GRIK4: variants seen among roughly 807,000 people sequenced by gnomAD.
The protein encoded by GRIK4 is glutamate receptor ionotropic, kainate 4.
A neutral mutation model predicts 104.9 loss-of-function variants in GRIK4; 40 were observed. The ratio of observed to expected loss-of-function variants is 0.38; its 90% CI spans 0.30 to 0.50. The LOEUF (loss-of-function observed/expected upper bound fraction) is 0.50, where lower values mean the gene tolerates loss of function less well. Among genes scored for constraint, GRIK4 ranks in the 20% least tolerant of loss-of-function variants. GRIK4 has a pLI of 0.93. For missense variants in GRIK4, 1,047 were observed against 1,308.1 expected, an observed-to-expected ratio of 0.80 and a Z score of 3.08; for synonymous variants, 485 against 524.9, an observed-to-expected ratio of 0.92 and a Z score of 1.04.
At chr11:120,519,225 A>G (rs79058679) in intron 1 of GRIK4, among the ~76,000 whole-genome samples, 1,679 of 152,286 alleles carry the variant, frequency 0.011, 47 homozygotes, top group East Asian at 0.063. Context: ...AATGCAAAGT[A>G]CTTTCCATAT....
At chr11:120,760,367 T>A (rs530106358) in intron 3 of GRIK4, among the ~76,000 whole-genome samples, 84 of 148,034 alleles carry the variant, frequency 5.7e-4, no homozygotes, top group South Asian at 3.2e-3. Context: ...ATGGAATATT[T>A]TATATATATA....
intron 3 of GRIK4, among the ~76,000 whole-genome samples, chr11:120,761,834 CT>C (rs1951754663): frequency 6.6e-6 from 1 of 152,132 alleles, no homozygotes; most frequent in Non-Finnish European, 1.5e-5. Flanking sequence ...CAGTACCATG[CT>C]ATTTTGGTTA....
intron 8 of GRIK4, among the ~76,000 whole-genome samples, chr11:120,845,375 T>C (rs1169728747): frequency 6.6e-6 from 1 of 152,232 alleles, no homozygotes; most frequent in Non-Finnish European, 1.5e-5. Flanking sequence ...GTGAAGACGA[T>C]GGGAAGTTTC....
intron 3 of GRIK4, among the ~76,000 whole-genome samples, chr11:120,692,653 A>G (rs1950385688): frequency 6.6e-6 from 1 of 152,188 alleles, no homozygotes; most frequent in Non-Finnish European, 1.5e-5. Flanking sequence ...AGTCGGGAAG[A>G]CGAGACTGGA....
chr11:120,588,122 G>A (rs949596543), intron 1 of GRIK4, among the ~76,000 whole-genome samples: 13 of 152,164 alleles, frequency 8.5e-5, no homozygotes, highest in African/African-American at 2.2e-4. Flanking sequence ...AGAGGGGCAC[G>A]AGACAGAGAT....
chr11:120,713,705 C>A (rs1211298619), intron 3 of GRIK4, among the ~76,000 whole-genome samples: 2 of 152,102 alleles, frequency 1.3e-5, no homozygotes, highest in Non-Finnish European at 2.9e-5. Flanking sequence ...AGAGAGGTGG[C>A]TACGAGGGAC....
At chr11:120,576,078 TG>T (rs1948479977) in intron 1 of GRIK4, among the ~76,000 whole-genome samples, 1 of 152,194 alleles carries the variant, frequency 6.6e-6, no homozygotes. Context: ...CATAATTTAC[TG>T]GGCTCCTGGG....
intron 1 of GRIK4, among the ~76,000 whole-genome samples, chr11:120,575,217 T>C (rs1565556030): frequency 6.6e-6 from 1 of 152,138 alleles, no homozygotes; most frequent in African/African-American, 2.4e-5. Flanking sequence ...ACGAGCATTT[T>C]GGCGAATTCT....
In GRIK4 at chr11:120,531,777, T is replaced by C. The variant is rs142983564; in HGVS notation, c.-159+19890T>C. On this transcript the variant is annotated intron_variant, in intron 1 of 20. Coordinates refer to ENST00000527524, the MANE Select transcript of GRIK4 (RefSeq NM_014619.5). The stretch of plus-strand genomic sequence containing the variant: ...TTTTAGTAGAGACGGGTTTTCACCA[T>C]GTTGGCCAGGCTGGTCTCGGACTCC... 2.8e-4 allele frequency among the ~76,000 whole-genome samples: 42 copies of C among 152,198 alleles called. 1 individual carries two copies. Among genetic ancestry groups the C allele is most frequent in the Non-Finnish European group, 4.4e-4 (30 of 68,004 alleles).
At chr11:120,766,225 A>T (rs533740155) in intron 3 of GRIK4, among the ~76,000 whole-genome samples, 1 of 152,106 alleles carries the variant, frequency 6.6e-6, no homozygotes, top group Non-Finnish European at 1.5e-5. Flanking sequence ...ACCCAGTCCA[A>T]ATTTCCCAGC....
At chr11:120,544,971 A>G (rs1223963463) in intron 1 of GRIK4, among the ~76,000 whole-genome samples, 2 of 152,186 alleles carry the variant, frequency 1.3e-5, no homozygotes, top group South Asian at 2.1e-4. Flanking sequence ...CACTGTCACA[A>G]CAACCGTGTG....
chr11:120,797,114 C>T (rs2135503010), intron 3 of GRIK4, among the ~76,000 whole-genome samples: 1 of 152,278 alleles, frequency 6.6e-6, no homozygotes, highest in South Asian at 2.1e-4. Context: ...ATCTTGAATC[C>T]ACCTGGGTTG....
intron 3 of GRIK4, among the ~76,000 whole-genome samples, chr11:120,757,264 C>A (rs1226103297): frequency 1.3e-5 from 2 of 152,210 alleles, no homozygotes; most frequent in East Asian, 3.9e-4. Context: ...GTCTGCTGGG[C>A]CAGGATACCT....
chr11:120,649,917 A>C (rs1949595975), intron 1 of GRIK4, among the ~76,000 whole-genome samples: 1 of 152,212 alleles, frequency 6.6e-6, no homozygotes, highest in Non-Finnish European at 1.5e-5. Context: ...AGTGTGCTAT[A>C]GGTGGCTTCA....
At chr11:120,970,860 T>C (rs1218571690) in intron 19 of GRIK4, among the ~76,000 whole-genome samples, 4 of 152,216 alleles carry the variant, frequency 2.6e-5, no homozygotes, top group Non-Finnish European at 4.4e-5. Context: ...TTCTCTTCCC[T>C]GAGGCAGTTT....
chr11:120,967,467 C>A lies in GRIK4; in HGVS notation c.2395+144C>A. On this transcript the variant is annotated intron_variant, in intron 19 of 20. Transcript: ENST00000527524. This position sits in a 1 kb window ranked among gnomAD's most constrained non-coding sequence, Gnocchi z 4.2. ...GGAACCTAGGTATAAAGTGGGCTGG[C>A]GGGGGATCAGGTCTGTCCCAGGGTC... is the stretch of plus-strand genomic sequence containing the variant. 2 of 813,124 alleles carry A rather than the reference C, an allele frequency of 2.5e-6. No individual in the cohort carries two copies. Among genetic ancestry groups the A allele is most frequent in the Non-Finnish European group, 3.7e-6 (2 of 541,924 alleles). 50.4% of individuals were successfully genotyped at this position (813,124 alleles called of 1,614,324 possible). A position where few individuals can be genotyped will look rare whatever the true frequency, so the allele number is the denominator to read the frequency against.
intron 3 of GRIK4, among the ~76,000 whole-genome samples, chr11:120,705,262 A>G: frequency 7.2e-6 from 1 of 138,896 alleles, no homozygotes; most frequent in Middle Eastern, 3.7e-3. Flanking sequence ...ATGGAGTTTC[A>G]CTGTTGTCTT....
At chr11:120,840,345 G>C (rs1254743083) in intron 8 of GRIK4, among the ~76,000 whole-genome samples, 3 of 151,894 alleles carry the variant, frequency 2.0e-5, no homozygotes. Flanking sequence ...AATGAGATCT[G>C]GGTGGTCGGA....
intron 11 of GRIK4, among the ~76,000 whole-genome samples, chr11:120,876,362 CA>C (rs1358249437): frequency 2.0e-5 from 2 of 101,496 alleles, no homozygotes; most frequent in Non-Finnish European, 2.2e-5. Flanking sequence ...CCACCCTCAT[CA>C]CTACCACTAC....
Sources: gnomAD v4.1 joint callset for allele counts (sites outside exome capture counted in the v4.1 genomes callset) on GRCh38, gnomAD v4.1.1 for gene constraint, Gnocchi (gnomAD v3.1) non-coding constraint, MANE v1.5 for transcripts, NCBI Gene and HGNC (gene_info 2026-07-23, HGNC 2026-07-21) for gene names.